The following AGGF1 variants were observed in gnomAD, a reference collection of about 807,000 sequenced individuals.
AGGF1 encodes angiogenic factor with G-patch and FHA domains 1.
Under a neutral mutation model 86.5 loss-of-function variants are expected in AGGF1, and 56 were observed. That is an observed-to-expected ratio of 0.65 (90% CI 0.52 to 0.81). The LOEUF is 0.81. Ranked by LOEUF, AGGF1 falls within the 30% of genes least tolerant of loss-of-function variation. The pLI is 0.00. For missense variants in AGGF1, 816 were observed against 850.9 expected, an observed-to-expected ratio of 0.96 and a Z score of 0.51; for synonymous variants, 313 against 297.1, an observed-to-expected ratio of 1.05 and a Z score of -0.55.
rs780255385 is a variant in AGGF1, at chr5:77,030,437, G to A, written c.-330G>A. 2 of 533,974 alleles carry A rather than the reference G, an allele frequency of 3.7e-6. No homozygotes were observed. Among genetic ancestry groups the A allele is most frequent in the Admixed American group, 2.2e-5 (1 of 44,664 alleles). 33.1% of individuals were successfully genotyped at this position (533,974 alleles called of 1,614,324 possible). On this transcript the variant is annotated 5_prime_UTR_variant, in exon 1 of 14. Transcript: ENST00000312916. ...TTCCGGCTCAACTGGGGAGCTGCTG[G>A]AGCTCTTCTGGCCTCTGGTTTTCCG...
intron 1 of AGGF1, among the ~76,000 whole-genome samples, chr5:77,032,926 TTA>T (rs1746898345): frequency 6.6e-6 from 1 of 151,334 alleles, no homozygotes; most frequent in South Asian, 2.1e-4. Context: ...TCACGTGGAT[TTA>T]GTTATTAAAT....
chr5:77,048,819 G>A lies in AGGF1; in HGVS notation c.1314-117G>A, dbSNP rs952655634. On this transcript the variant is annotated intron_variant, in intron 7 of 13. Transcript: ENST00000312916. ...AGGAAACTGGATAATCCATAACCAG[G>A]AGATTTACTGTTGATAGACGTGTAT... is the stretch of plus-strand genomic sequence containing the variant. 7.2e-6 allele frequency: 7 copies of A among 967,390 alleles called. No homozygotes were observed. The African/African-American group carries it at 1.1e-4, about 16-fold the overall frequency. 59.9% of individuals were successfully genotyped at this position (967,390 alleles called of 1,614,324 possible).
At position 77,055,576 on chromosome 5, in the gene AGGF1, C is replaced by G. The variant is rs758213462; in HGVS notation, c.1696C>G (p.Arg566Gly). The G allele has an allele frequency of 1.3e-6, 2 of 1,591,908 alleles. No individual in the cohort carries two copies. Among genetic ancestry groups the G allele is most frequent in the Admixed American group, 1.7e-5 (1 of 59,774 alleles). The change falls in exon 11 of 14, where the codon CGA becomes GGA. Residue 566 changes from arginine to glycine, a missense_variant. Arg to Gly is a moderately radical substitution (Grantham distance 125, BLOSUM62 -2). Transcript: ENST00000312916. ...LERRKELKKI[R>G]VKYGLQNTEY... The stretch of plus-strand genomic sequence containing the variant: ...AAGAAGAAAAGAATTAAAGAAAATA[C>G]GAGTAAAATATGGTTTACAGGTGAG...
rs759543368 is a variant in AGGF1, at chr5:77,034,468, A to T, written c.261A>T (p.Lys87Asn). The part of the protein sequence containing the change: ...ILQRGRNEDN[K>N]KSDVEVQTEN... ...AACGTGGGAGAAATGAAGATAATAA[A>T]AAGTCTGATGTAGAAGTACAAACAG... Residue 87 changes from lysine (K) to asparagine (N), a missense_variant, in exon 2 of 14, where the codon AAA (lysine) becomes AAT (asparagine). By Grantham distance (94) the Lys-to-Asn change is moderately conservative (BLOSUM62 0). Coordinates refer to ENST00000312916, the MANE Select transcript of AGGF1 (RefSeq NM_018046.5). The T allele has an allele frequency of 2.5e-6, 4 of 1,613,614 alleles. No individual in the cohort carries two copies. The East Asian group carries it at 6.7e-5, about 27-fold the overall frequency.
At chr5:77,042,485 G>C (rs1414303506) in intron 5 of AGGF1, among the ~76,000 whole-genome samples, 1 of 47,100 alleles carries the variant, frequency 2.1e-5, no homozygotes, top group East Asian at 4.9e-4. Flanking sequence ...CTGGCCGGGC[G>C]GGGGGCTGAC....
In AGGF1 at chr5:77,034,507, T is replaced by A. The variant is rs1377728568; in HGVS notation, c.300T>A (p.Pro100=). ...AAGTACAAACAGAGAACCATGCTCC[T>A]TGGTCAATCTCAGGTATTTAGCTTA... ...DVEVQTENHA[P]WSISDYFYQT... is the part of the protein sequence containing the mutation. The change falls in exon 2 of 14, where the codon CCT becomes CCA. Residue 100 remains proline, a synonymous_variant. Coordinates refer to ENST00000312916, the MANE Select transcript of AGGF1 (RefSeq NM_018046.5). The A allele has an allele frequency of 6.2e-7, 1 of 1,609,268 alleles. No homozygotes were observed. Among genetic ancestry groups the A allele is most frequent in the Admixed American group, 1.7e-5 (1 of 60,032 alleles).
Position 77,059,247 on chromosome 5 carries a change from T to C in AGGF1, c.1717-369T>C, listed in dbSNP as rs185173280. On this transcript the variant is annotated intron_variant, in intron 11 of 13. Transcript: ENST00000312916. ...TCACCATGTCATCTTCTTATGTATA[T>C]GTATGTTGTGGCATAACTTGAAATA... is the stretch of plus-strand genomic sequence containing the variant. 1.4e-3 allele frequency among the ~76,000 whole-genome samples: 212 copies of C among 152,362 alleles called. 1 individual carries two copies. Among genetic ancestry groups the C allele is most frequent in the East Asian group, 7.3e-3 (38 of 5,186 alleles).
chr5:77,049,078 A>G, intron 8 of AGGF1, 91 bp downstream of exon 8: 1 of 1,283,132 alleles, frequency 7.8e-7, no homozygotes, highest in Non-Finnish European at 1.1e-6. Context: ...TTCTCATTTA[A>G]TAGGAAGGTT....
At chr5:77,059,553 T>G in intron 11 of AGGF1, 63 bp from the exon 12 acceptor site, 3 of 1,412,088 alleles carry the variant, frequency 2.1e-6, no homozygotes, top group Non-Finnish European at 3.0e-6. Context: ...GTAAGGCACA[T>G]GTACAGAAAT....
intron 3 of AGGF1, 59 bp from the exon 4 acceptor site, chr5:77,036,497 A>C: frequency 1.3e-6 from 2 of 1,589,724 alleles, no homozygotes; most frequent in African/African-American, 2.7e-5. Flanking sequence ...AGTTCAGCCA[A>C]CTTTTTAATT....
chr5:77,057,685 T>A (rs931962214), intron 11 of AGGF1, among the ~76,000 whole-genome samples: 9 of 152,208 alleles, frequency 5.9e-5, no homozygotes, highest in Non-Finnish European at 1.2e-4. Flanking sequence ...GAAAGCTGCC[T>A]TCTGGGTGAA....
At position 77,030,653 on chromosome 5, in the gene AGGF1, G is replaced by T; in HGVS notation, c.-114G>T. ...GCCAGGGGCCACCGCGGCCAGCCGG[G>T]TGTGAGGCTGCCTTTCGCTGCCCGC... On this transcript the variant is annotated 5_prime_UTR_variant, in exon 1 of 14. Coordinates refer to ENST00000312916, the MANE Select transcript of AGGF1 (RefSeq NM_018046.5). 1 of 1,227,412 alleles carries T rather than the reference G, an allele frequency of 8.1e-7. No homozygotes were observed. Among genetic ancestry groups the T allele is most frequent in the East Asian group, 2.5e-5 (1 of 39,438 alleles). 76.0% of individuals were successfully genotyped at this position (1,227,412 alleles called of 1,614,324 possible).
chr5:77,041,136 C>G (rs1747070690), intron 5 of AGGF1, among the ~76,000 whole-genome samples: 2 of 152,100 alleles, frequency 1.3e-5, no homozygotes, highest in African/African-American at 4.8e-5. Context: ...TGATTTGCTT[C>G]TGTTCTATTT....
intron 3 of AGGF1, chr5:77,036,161 T>G (rs898956006): frequency 3.7e-6 from 1 of 270,192 alleles, no homozygotes; most frequent in African/African-American, 2.3e-5. Flanking sequence ...CTATTGTGTT[T>G]GATATATCTC....
chr5:77,057,471 T>C (rs1237924059), intron 11 of AGGF1, among the ~76,000 whole-genome samples: 1 of 152,242 alleles, frequency 6.6e-6, no homozygotes, highest in East Asian at 1.9e-4. Flanking sequence ...AAAATAGTTA[T>C]GTTGAGTGAA....
At position 77,063,078 on chromosome 5, in the gene AGGF1, T is replaced by C; in HGVS notation, c.1971T>C (p.His657=). 6.2e-7 allele frequency: 1 copy of C among 1,614,042 alleles called. No homozygotes were observed. Among genetic ancestry groups the C allele is most frequent in the Non-Finnish European group, 8.5e-7 (1 of 1,179,976 alleles). The change falls in exon 14 of 14, where the codon CAT becomes CAC. Residue 657 remains histidine (H), a synonymous_variant. Transcript: ENST00000312916. ...TCCAGCTTCAGCTTCGGCGAACACA[T>C]GCAGGCTTGGGGACAGGCAAACCAT... ...TPIQLQLRRT[H]AGLGTGKPSS... is the part of the protein sequence containing the mutation.
At chr5:77,045,999 GT>G (rs1747240704) in intron 5 of AGGF1, among the ~76,000 whole-genome samples, 1 of 152,200 alleles carries the variant, frequency 6.6e-6, no homozygotes, top group Admixed American at 6.5e-5. Flanking sequence ...CTATCCCATA[GT>G]CCAGGCAGTA....
chr5:77,030,784 GT>G lies in AGGF1; in HGVS notation c.19del (p.Ser7ProfsTer19), dbSNP rs760242927. 1.9e-6 allele frequency: 3 copies of G among 1,584,532 alleles called. No individual in the cohort carries two copies. The highest frequency in any genetic ancestry group is 8.5e-7 in the Non-Finnish European group (1 of 1,170,494). On this transcript the variant is annotated frameshift_variant, in exon 1 of 14. Transcript: ENST00000312916. LOFTEE classifies it high-confidence loss of function. MASEAP[S>X]PPRSPPPPTS... is the part of the protein sequence containing the mutation. ...CGGAGCTCATGGCCTCGGAGGCGCC[GT>G]CCCCGCCGCGGTCGCCGCCGCCGCC...
rs994241594 is a variant in AGGF1, at chr5:77,034,460, G to A, written c.253G>A (p.Asp85Asn). The change falls in exon 2 of 14, where the codon GAT becomes AAT. Residue 85 changes from aspartate (D) to asparagine (N), a missense_variant. This residue lies in a region of AGGF1 where 240 missense variants were observed against 234.4 expected (regional missense o/e 1.02). Coordinates refer to ENST00000312916, the MANE Select transcript of AGGF1 (RefSeq NM_018046.5). ...SKILQRGRNEDNKKSDVEVQT... is the reference protein window; with the variant it reads ...SKILQRGRNENNKKSDVEVQT... ...AATACTCCAACGTGGGAGAAATGAA[G>A]ATAATAAAAAGTCTGATGTAGAAGT... 6.2e-7 allele frequency: 1 copy of A among 1,613,594 alleles called. No homozygotes were observed. The highest frequency in any genetic ancestry group is 8.5e-7 in the Non-Finnish European group (1 of 1,179,644).
Sources: gnomAD v4.1 joint callset for allele counts (sites outside exome capture counted in the v4.1 genomes callset) on GRCh38, gnomAD v4.1.1 for gene constraint, gnomAD v4.1.1 regional missense constraint, MANE v1.5 for transcripts, NCBI Gene and HGNC (gene_info 2026-07-23, HGNC 2026-07-21) for gene names.